Variants in MEGF11 observed in about 807,000 individuals in gnomAD.
The protein encoded by MEGF11 is multiple EGF like domains 11, also known as multiple epidermal growth factor-like domains protein 11.
MEGF11 carries 126 observed loss-of-function variants against 146.6 expected under a neutral mutation model. The observed-to-expected ratio is 0.86, with a 90% CI of 0.74 to 1.00. The LOEUF is 1.00. MEGF11 is among the 50% of genes least tolerant of loss of function. The pLI is 0.00. For missense variants in MEGF11, 1,509 were observed against 1,521.2 expected, an observed-to-expected ratio of 0.99 and a Z score of 0.13; for synonymous variants, 532 against 583.4, an observed-to-expected ratio of 0.91 and a Z score of 1.27.
intron 5 of MEGF11, among the ~76,000 whole-genome samples, chr15:65,996,025 G>A (rs545526235): frequency 6.6e-6 from 1 of 152,120 alleles, no homozygotes; most frequent in South Asian, 2.1e-4. Flanking sequence ...AGAGTCCTGG[G>A]GAAGCCTCCA....
intron 1 of MEGF11, among the ~76,000 whole-genome samples, chr15:66,216,218 C>A (rs1056701910): frequency 1.3e-5 from 2 of 152,110 alleles, no homozygotes; most frequent in African/African-American, 4.8e-5. Context: ...CAGCTGTTGG[C>A]CTGGAGGAGT....
chr15:65,946,918 C>T (rs576311043), intron 10 of MEGF11, among the ~76,000 whole-genome samples: 1 of 152,306 alleles, frequency 6.6e-6, no homozygotes, highest in East Asian at 1.9e-4. Context: ...TGCCTCATGG[C>T]CAGGGAGCCC....
intron 5 of MEGF11, among the ~76,000 whole-genome samples, chr15:66,029,974 C>T (rs1252255558): frequency 1.3e-5 from 2 of 152,222 alleles, no homozygotes; most frequent in Admixed American, 1.3e-4. Flanking sequence ...CAGTGTAACT[C>T]CTTTTTCTAT....
At chr15:66,209,045 A>G (rs2091374928) in intron 1 of MEGF11, among the ~76,000 whole-genome samples, 1 of 152,178 alleles carries the variant, frequency 6.6e-6, no homozygotes, top group African/African-American at 2.4e-5. Flanking sequence ...ATAGTTTGGC[A>G]GTTTCTTTAA....
chr15:66,140,041 C>T (rs560559169), intron 1 of MEGF11, among the ~76,000 whole-genome samples: 12 of 152,184 alleles, frequency 7.9e-5, no homozygotes, highest in South Asian at 2.1e-4. Context: ...CAGTCCTCAC[C>T]GGCGCATTTC....
intron 4 of MEGF11, among the ~76,000 whole-genome samples, chr15:66,112,753 A>ACAC (rs377193996): frequency 4.6e-5 from 7 of 152,352 alleles, no homozygotes; most frequent in African/African-American, 1.7e-4. Context: ...ACACAATGGA[A>ACAC]CACCACTTCT....
chr15:66,066,819 C>T (rs561280752), intron 5 of MEGF11, among the ~76,000 whole-genome samples: 1 of 152,330 alleles, frequency 6.6e-6, no homozygotes, highest in Admixed American at 6.5e-5. Flanking sequence ...ATTGTGTTTC[C>T]ATTTTGCTGC....
chr15:65,928,507 G>A lies in MEGF11; in HGVS notation c.1593C>T (p.Asn531=). The A allele has an allele frequency of 3.7e-6, 6 of 1,603,580 alleles. No individual in the cohort carries two copies. The highest frequency in any genetic ancestry group is 5.1e-6 in the Non-Finnish European group (6 of 1,173,666). The change falls in exon 13 of 26, where the codon AAC becomes AAT. Residue 531 remains asparagine (N), a synonymous_variant. Transcript: ENST00000395614. ...LPCPDGTFGL[N]CSEHCDCSHA... is the part of the protein sequence containing the mutation. ...GGCTGCAGTCACAGTGTTCACTGCA[G>A]TTCAGCCCAAATGTGCCATCCTGTG...
chr15:66,224,644 AT>A (rs1314106662), intron 1 of MEGF11, among the ~76,000 whole-genome samples: 212 of 145,384 alleles, frequency 1.5e-3, no homozygotes, highest in African/African-American at 5.0e-3. Flanking sequence ...TACTTATTAT[AT>A]TATATATTTA....
At chr15:66,046,194 T>C (rs2084196563) in intron 5 of MEGF11, among the ~76,000 whole-genome samples, 1 of 152,150 alleles carries the variant, frequency 6.6e-6, no homozygotes, top group Admixed American at 6.5e-5. Context: ...GGCAACTAAG[T>C]AGCAGGAAGC....
chr15:66,130,762 TCTC>T (rs1397842167), intron 1 of MEGF11, among the ~76,000 whole-genome samples: 1 of 49,844 alleles, frequency 2.0e-5, no homozygotes, highest in Non-Finnish European at 5.7e-5. Context: ...GGAAGGAAAT[TCTC>T]CTTGTCTCCG....
At chr15:66,070,170 GC>G (rs1324890141) in intron 5 of MEGF11, among the ~76,000 whole-genome samples, 1 of 152,230 alleles carries the variant, frequency 6.6e-6, no homozygotes, top group South Asian at 2.1e-4. Context: ...CCCTGAGGTT[GC>G]CCCACAGGCA....
intron 1 of MEGF11, among the ~76,000 whole-genome samples, chr15:66,133,555 A>G (rs2088751910): frequency 6.6e-6 from 1 of 152,194 alleles, no homozygotes; most frequent in African/African-American, 2.4e-5. Flanking sequence ...CGCCCCGTCT[A>G]GTGGCCTTCC....
chr15:66,102,651 T>C (rs2086874421), intron 4 of MEGF11, among the ~76,000 whole-genome samples: 2 of 152,022 alleles, frequency 1.3e-5, no homozygotes, highest in Non-Finnish European at 2.9e-5. Flanking sequence ...CCAAGTTGCC[T>C]AAGCTGGCCT....
chr15:66,245,463 T>TAAA (rs1254460519), intron 1 of MEGF11, among the ~76,000 whole-genome samples: 1 of 45,012 alleles, frequency 2.2e-5, no homozygotes, highest in African/African-American at 5.9e-5. Flanking sequence ...CCCATCTCTG[T>TAAA]AAAAAAAGAA....
At chr15:66,194,115 C>G (rs1298091566) in intron 1 of MEGF11, among the ~76,000 whole-genome samples, 2 of 152,172 alleles carry the variant, frequency 1.3e-5, no homozygotes, top group Non-Finnish European at 2.9e-5. Flanking sequence ...GCCCATCAAT[C>G]AATGAGTGGA....
At chr15:66,247,983 CAA>C (rs66701917) in intron 1 of MEGF11, among the ~76,000 whole-genome samples, 29 of 125,846 alleles carry the variant, frequency 2.3e-4, no homozygotes, top group Middle Eastern at 4.4e-3. Context: ...ACTCCGTCTC[CAA>C]AAAAAAAAAA....
chr15:66,221,982 A>G (rs761253567), intron 1 of MEGF11, among the ~76,000 whole-genome samples: 14 of 152,142 alleles, frequency 9.2e-5, no homozygotes, highest in Admixed American at 6.5e-5. Flanking sequence ...ATGAATCCCA[A>G]TTAGGCCGCT....
At chr15:65,916,742 C>A (rs1189409674) in intron 17 of MEGF11, 86 bp downstream of exon 17, 1 of 1,551,780 alleles carries the variant, frequency 6.4e-7, no homozygotes, top group Admixed American at 2.0e-5. Flanking sequence ...TTCCTCCCTC[C>A]CTGCTGGTCT....
Sources: allele counts gnomAD v4.1 joint callset (sites outside exome capture counted in the v4.1 genomes callset), GRCh38; gene constraint gnomAD v4.1.1; transcripts MANE v1.5; gene names NCBI Gene and HGNC (gene_info 2026-07-23, HGNC 2026-07-21).